OR2T12: variants seen among roughly 807,000 people sequenced by gnomAD.
OR2T12 encodes the protein olfactory receptor family 2 subfamily T member 12, also known as olfactory receptor 2T12.
For synonymous variants in OR2T12, 127 were observed against 160.5 expected (o/e 0.79, Z 1.58); for missense variants, 335 against 404.3 (o/e 0.83, Z 1.47).
chr1:248,294,517 C>T lies in OR2T12; in HGVS notation c.*99G>A. 6.9e-7 allele frequency: 1 copy of T among 1,442,166 alleles called. No homozygotes were observed. Among genetic ancestry groups the T allele is most frequent in the South Asian group, 1.4e-5 (1 of 71,480 alleles). 89.3% of individuals were successfully genotyped at this position (1,442,166 alleles called of 1,614,324 possible). A position where few individuals can be genotyped will look rare whatever the true frequency, so the allele number is the denominator to read the frequency against. On this transcript the variant is annotated 3_prime_UTR_variant, in exon 3 of 3. Transcript: ENST00000641276. ...TTAAAAATATCTTATTATATCAATA[C>T]ACAAACTTAATTTTCTCTTCATGAA...
At chr1:248,299,826 A>G (rs12723512) in intron 2 of OR2T12, among the ~76,000 whole-genome samples, 67,440 of 151,988 alleles carry the variant, frequency 0.44, 16,620 homozygotes, top group South Asian at 0.54. Flanking sequence ...AGAAATTATA[A>G]CAAACTGTCT....
At chr1:248,296,993 C>T (rs527712633) in intron 2 of OR2T12, among the ~76,000 whole-genome samples, 510 of 152,188 alleles carry the variant, frequency 3.4e-3, no homozygotes, top group Middle Eastern at 0.014. Flanking sequence ...TTAGGTCTAA[C>T]GTTTAAGTCT....
chr1:248,294,754 G>C lies in OR2T12; in HGVS notation c.825C>G (p.Phe275Leu), dbSNP rs1449066902. 7 of 1,614,028 alleles carry C rather than the reference G, an allele frequency of 4.3e-6. No homozygotes were observed. The highest frequency in any genetic ancestry group is 5.1e-6 in the Non-Finnish European group (6 of 1,179,970). The change falls in exon 3 of 3, where the codon TTC becomes TTG. Residue 275 changes from phenylalanine (F) to leucine (L), a missense_variant. Physicochemically the swap from Phe to Leu is conservative, Grantham distance 22 (BLOSUM62 0). Coordinates refer to ENST00000641276, the MANE Select transcript of OR2T12 (RefSeq NM_001004692.2). ...TTAGTAAAGGGGTGAACATAGTATA[G>C]AAGGCTGACACAACCTTATCGTGGT... ...STNHDKVVSA[F>L]YTMFTPLLNP...
rs1659689713 is a variant in OR2T12 at position 248,294,766 on chromosome 1, A to G, written c.813T>C (p.Val271=). The G allele has an allele frequency of 1.2e-6, 2 of 1,614,020 alleles. No homozygotes were observed. The highest frequency in any genetic ancestry group is 3.3e-4 in the Middle Eastern group (2 of 6,058). ...TGAACATAGTATAGAAGGCTGACAC[A>G]ACCTTATCGTGGTTAGTGGACCTGT... is the stretch of plus-strand genomic sequence containing the variant. ...KSHRSTNHDK[V]VSAFYTMFTP... is the part of the protein sequence containing the mutation. Residue 271 remains valine (V), a synonymous_variant, in exon 3 of 3, where the codon GTT becomes GTC. Transcript: ENST00000641276.
At position 248,295,111 on chromosome 1, in the gene OR2T12, C is replaced by A. The variant is rs781461137; in HGVS notation, c.468G>T (p.Leu156=). 1.0e-5 allele frequency: 16 copies of A among 1,604,460 alleles called. No individual in the cohort carries two copies. The Admixed American group carries it at 2.5e-4, about 25-fold the overall frequency. The change falls in exon 3 of 3, where the codon CTG becomes CTT. Residue 156 remains leucine, a synonymous_variant. Transcript: ENST00000641276. ...GGAAGCTCAGGGTAGCAACAGCCTG[C>A]AGGAGGCCGTCAGCTGCACCCAGGA... ...SWLLGAADGL[L]QAVATLSFPY...
At position 248,294,794 on chromosome 1, in the gene OR2T12, G is replaced by A. The variant is rs1659690221; in HGVS notation, c.785C>T (p.Ser262Phe). ...CTTATCGTGGTTAGTGGACCTGTGGGATTTGGGTCTCATATAGGTAAAAAT... is the reference window on the plus strand; with the variant it reads ...CTTATCGTGGTTAGTGGACCTGTGGAATTTGGGTCTCATATAGGTAAAAAT... ...AGIFTYMRPK[S>F]HRSTNHDKVV... Residue 262 changes from serine (S) to phenylalanine (F), a missense_variant, in exon 3 of 3, where the codon TCC (serine) becomes TTC (phenylalanine). Coordinates refer to ENST00000641276, the MANE Select transcript of OR2T12 (RefSeq NM_001004692.2). 1 of 1,613,778 alleles carries A rather than the reference G, an allele frequency of 6.2e-7. No homozygotes were observed. Among genetic ancestry groups the A allele is most frequent in the South Asian group, 1.1e-5 (1 of 91,074 alleles).
rs371945124 is a variant in OR2T12, at chr1:248,295,306, G to A, written c.273C>T (p.Ser91=). Residue 91 remains serine, a synonymous_variant, in exon 3 of 3, where the codon TCC becomes TCT. Transcript: ENST00000641276. Reference sequence around the variant, plus strand: ...AGATCTGCACACCACAGCCAGCGCGGGAGATGGCCTTATTTCCGGTCAAGT... The same window carrying A: ...AGATCTGCACACCACAGCCAGCGCGAGAGATGGCCTTATTTCCGGTCAAGT... ...ADYLTGNKAI[S]RAGCGVQIFF... The A allele has an allele frequency of 6.5e-5, 104 of 1,609,188 alleles. No individual in the cohort carries two copies. In the African/African-American group the frequency reaches 1.3e-3, roughly 20 times the overall value.
intron 2 of OR2T12, among the ~76,000 whole-genome samples, chr1:248,297,407 T>G (rs1242020436): frequency 2.6e-5 from 4 of 151,746 alleles, no homozygotes; most frequent in East Asian, 1.9e-4. Flanking sequence ...ATTGGTACCT[T>G]GATGGGGATG....
intron 2 of OR2T12, among the ~76,000 whole-genome samples, chr1:248,295,867 A>G (rs1388766018): frequency 1.3e-5 from 2 of 152,036 alleles, no homozygotes; most frequent in African/African-American, 2.4e-5. Context: ...TATTTTTTTA[A>G]TTATACTTTA....
In OR2T12 at chr1:248,295,324, G is replaced by T; in HGVS notation, c.255C>A (p.Thr85=). The T allele has an allele frequency of 1.2e-6, 2 of 1,608,852 alleles. No individual in the cohort carries two copies. The highest frequency in any genetic ancestry group is 1.1e-5 in the South Asian group (1 of 90,682). Residue 85 remains threonine, a synonymous_variant, in exon 3 of 3, where the codon ACC becomes ACA. Transcript: ENST00000641276. ...TVPKMAADYL[T]GNKAISRAGC... ...CAGCGCGGGAGATGGCCTTATTTCC[G>T]GTCAAGTAGTCAGCCGCCATTTTGG...
rs191973423 is a variant in OR2T12, at chr1:248,298,438, C to T, written c.-8-2852G>A. 3.1e-3 allele frequency among the ~76,000 whole-genome samples: 475 copies of T among 152,266 alleles called. 4 individuals carry two copies. Among genetic ancestry groups the T allele is most frequent in the African/African-American group, 0.011 (440 of 41,542 alleles). ...TTCAGAAGGAATGGTACAAGTTCCT[C>T]CTTGTACCTCTGGTAGAATTTGCCT... On this transcript the variant is annotated intron_variant, in intron 2 of 2. Coordinates refer to ENST00000641276, the MANE Select transcript of OR2T12 (RefSeq NM_001004692.2).
intron 2 of OR2T12, among the ~76,000 whole-genome samples, chr1:248,299,003 C>G (rs1050182220): frequency 6.6e-6 from 1 of 152,016 alleles, no homozygotes; most frequent in African/African-American, 2.4e-5. Context: ...TTTGTCACCA[C>G]CAGGCCTGCC....
In OR2T12 at chr1:248,295,479, A is replaced by G. The variant is rs371281300; in HGVS notation, c.100T>C (p.Leu34=). The G allele has an allele frequency of 1.0e-4, 164 of 1,612,928 alleles. 2 individuals are homozygous for G. Among genetic ancestry groups the G allele is most frequent in the Non-Finnish European group, 1.3e-4 (151 of 1,179,750 alleles). Residue 34 remains leucine, a synonymous_variant, in exon 3 of 3, where the codon TTG becomes CTG. Coordinates refer to ENST00000641276, the MANE Select transcript of OR2T12 (RefSeq NM_001004692.2). ...VLFMMLLATV[L]TSLFSNALMI... is the part of the protein sequence containing the mutation. ...AGGGCATTGCTAAACAGGGAGGTCA[A>G]AACGGTGGCCAGAAGCATCATGAAG...
chr1:248,296,283 T>G (rs182420205), intron 2 of OR2T12, among the ~76,000 whole-genome samples: 3 of 152,206 alleles, frequency 2.0e-5, no homozygotes, highest in Non-Finnish European at 1.5e-5. Flanking sequence ...GTTCCAAGTC[T>G]TTGCTATTGT....
intron 2 of OR2T12, among the ~76,000 whole-genome samples, chr1:248,295,922 T>C (rs1326511944): frequency 6.6e-6 from 1 of 152,166 alleles, no homozygotes; most frequent in East Asian, 1.9e-4. Context: ...GTTACATATG[T>C]ATACATGTGA....
chr1:248,301,055 TA>T (rs1489474250), intron 2 of OR2T12, among the ~76,000 whole-genome samples: 1 of 152,146 alleles, frequency 6.6e-6, no homozygotes, highest in African/African-American at 2.4e-5. Context: ...TGAATTTATA[TA>T]AATGCACTCT....
chr1:248,302,260 AT>A (rs1341744369), intron 1 of OR2T12, among the ~76,000 whole-genome samples: 1 of 152,144 alleles, frequency 6.6e-6, no homozygotes, highest in Non-Finnish European at 1.5e-5. Flanking sequence ...TGCACTAAAA[AT>A]GGAATTTATA....
At chr1:248,296,866 C>G (rs1442713921) in intron 2 of OR2T12, among the ~76,000 whole-genome samples, 2 of 152,186 alleles carry the variant, frequency 1.3e-5, no homozygotes, top group African/African-American at 4.8e-5. Context: ...ACTTAGATCC[C>G]ATTTGTCAAT....
intron 2 of OR2T12, among the ~76,000 whole-genome samples, chr1:248,296,887 G>T (rs1296359220): frequency 1.3e-5 from 2 of 152,152 alleles, no homozygotes; most frequent in African/African-American, 4.8e-5. Context: ...TTTGTCTTTT[G>T]TTGCCATTGC....
Sources: gnomAD v4.1 joint callset for allele counts (sites outside exome capture counted in the v4.1 genomes callset) on GRCh38, gnomAD v4.1.1 for gene constraint, MANE v1.5 for transcripts, NCBI Gene and HGNC (gene_info 2026-07-23, HGNC 2026-07-21) for gene names.